Variants in CD46 observed in about 807,000 individuals in gnomAD.
The protein encoded by CD46 is membrane cofactor protein.
A neutral mutation model predicts 53.3 loss-of-function variants in CD46; 30 were observed. The ratio of observed to expected loss-of-function variants is 0.56; its 90% CI spans 0.42 to 0.76. The LOEUF (loss-of-function observed/expected upper bound fraction) is 0.76. Among genes scored for constraint, CD46 ranks in the 30% least tolerant of loss-of-function variants. CD46 has a pLI of 0.00. For missense variants in CD46, 409 were observed against 463.0 expected (o/e 0.88, Z 1.07); for synonymous variants, 142 against 152.0 (o/e 0.93, Z 0.48).
chr1:207,764,294 G>C (rs994550867), intron 5 of CD46, among the ~76,000 whole-genome samples: 2 of 152,186 alleles, frequency 1.3e-5, no homozygotes, highest in African/African-American at 4.8e-5. Flanking sequence ...AAATGCCTAC[G>C]TTGCTCTGTT....
rs1047780483 is a variant in CD46, at chr1:207,757,167, A to G, written c.251A>G (p.His84Arg). Residue 84 changes from histidine (H) to arginine (R), a missense_variant, in exon 2 of 13, where the codon CAT (histidine) becomes CGT (arginine). His to Arg is a conservative substitution (Grantham distance 29). Transcript: ENST00000367042. ...ACCCATACTATTTGTGATCGGAATCATACATGGCTACCTGTCTCAGATGAC... is the reference window on the plus strand; with the variant it reads ...ACCCATACTATTTGTGATCGGAATCGTACATGGCTACCTGTCTCAGATGAC... ...LATHTICDRN[H>R]TWLPVSDDAC... 4 of 1,613,952 alleles carry G rather than the reference A, an allele frequency of 2.5e-6. No individual in the cohort carries two copies. Among genetic ancestry groups the G allele is most frequent in the Non-Finnish European group, 3.4e-6 (4 of 1,179,968 alleles).
At position 207,795,304 on chromosome 1, in the gene CD46, A is replaced by G. The variant is rs1464998598; in HGVS notation, c.*1827A>G. The stretch of plus-strand genomic sequence containing the variant: ...ATATGTATAAATATGTATTTTGTCA[A>G]ATTTGTTACTTAAATATATAGAGAC... On this transcript the variant is annotated 3_prime_UTR_variant, in exon 13 of 13. Transcript: ENST00000367042. 1 of 152,160 alleles carries G rather than the reference A, an allele frequency of 6.6e-6. No individual in the cohort carries two copies. The highest frequency in any genetic ancestry group is 1.5e-5 in the Non-Finnish European group (1 of 68,038). The allele number at this position is 152,160 out of a possible 1,614,324, so 9.4% of individuals were successfully genotyped here.
intron 1 of CD46, among the ~76,000 whole-genome samples, chr1:207,754,468 G>A (rs1225142694): frequency 6.6e-6 from 1 of 152,074 alleles, no homozygotes; most frequent in Non-Finnish European, 1.5e-5. Context: ...GACCTTTTCT[G>A]TTCTTTGTCT....
chr1:207,760,027 T>C (rs1656005176), intron 4 of CD46: 1 of 266,742 alleles, frequency 3.7e-6, no homozygotes, highest in Non-Finnish European at 7.2e-6. Flanking sequence ...GCTTCAGGCA[T>C]GTGCCACTAT....
At chr1:207,754,430 TC>T (rs1655283183) in intron 1 of CD46, among the ~76,000 whole-genome samples, 1 of 152,182 alleles carries the variant, frequency 6.6e-6, no homozygotes, top group Admixed American at 6.5e-5. Context: ...TTCAAGTCCC[TC>T]TTCACTTGTA....
chr1:207,759,082 A>G (rs1655890845), intron 3 of CD46, among the ~76,000 whole-genome samples: 1 of 152,158 alleles, frequency 6.6e-6, no homozygotes, highest in African/African-American at 2.4e-5. Flanking sequence ...CTCTGTTCTA[A>G]ATAATATTAA....
At chr1:207,787,520 C>A (rs1037812317) in intron 11 of CD46, among the ~76,000 whole-genome samples, 2 of 152,096 alleles carry the variant, frequency 1.3e-5, no homozygotes, top group African/African-American at 4.8e-5. Flanking sequence ...GTCCAACTGA[C>A]AGTTGCCATT....
chr1:207,791,964 A>G (rs1027811050), intron 12 of CD46, among the ~76,000 whole-genome samples: 6 of 152,164 alleles, frequency 3.9e-5, no homozygotes, highest in Non-Finnish European at 7.4e-5. Context: ...TTCTACTACT[A>G]TGGGAAAAAA....
At chr1:207,773,327 G>T (rs539229659) in intron 8 of CD46, among the ~76,000 whole-genome samples, 1 of 151,818 alleles carries the variant, frequency 6.6e-6, no homozygotes, top group Non-Finnish European at 1.5e-5. Flanking sequence ...CATTTTTGTT[G>T]ATCTTTTCAA....
chr1:207,786,409 A>G (rs1029111791), intron 11 of CD46, among the ~76,000 whole-genome samples: 3 of 152,220 alleles, frequency 2.0e-5, no homozygotes, highest in Non-Finnish European at 2.9e-5. Context: ...ACAAGTACAT[A>G]TCTTCTAAAG....
chr1:207,773,481 G>A (rs1023251746), intron 8 of CD46, among the ~76,000 whole-genome samples: 1 of 152,124 alleles, frequency 6.6e-6, no homozygotes, highest in African/African-American at 2.4e-5. Flanking sequence ...TTTTAATGGT[G>A]ATGTTAGGGT....
chr1:207,769,767 C>T (rs2796272), intron 7 of CD46: 91,521 of 149,178 alleles, frequency 0.61, 28,095 homozygotes, highest in East Asian at 0.91. Context: ...AGCACATTCC[C>T]TTTTTTTTTT....
At chr1:207,757,236 G>A (rs1233401219) in intron 2 of CD46, 34 bp downstream of exon 2, 1 of 1,551,668 alleles carries the variant, frequency 6.4e-7, no homozygotes, top group East Asian at 2.2e-5. Context: ...TTTTCTGCTT[G>A]CTCTAGAGAT....
At chr1:207,754,030 G>A (rs911116618) in intron 1 of CD46, among the ~76,000 whole-genome samples, 1 of 152,162 alleles carries the variant, frequency 6.6e-6, no homozygotes, top group Non-Finnish European at 1.5e-5. Context: ...TCAATGATAA[G>A]TGCTCAGTGC....
At chr1:207,764,920 G>C (rs952211469) in intron 5 of CD46, among the ~76,000 whole-genome samples, 1 of 152,202 alleles carries the variant, frequency 6.6e-6, no homozygotes, top group Admixed American at 6.5e-5. Flanking sequence ...AAGTGCAAGA[G>C]GAGGGAACAC....
In CD46 at chr1:207,757,162, G is replaced by A; in HGVS notation, c.246G>A (p.Arg82=). The change falls in exon 2 of 13, where the codon CGG becomes CGA. Residue 82 remains arginine, a synonymous_variant. Coordinates refer to ENST00000367042, the MANE Select transcript of CD46 (RefSeq NM_172351.3). ...PPLATHTICD[R]NHTWLPVSDD... is the part of the protein sequence containing the mutation. The stretch of plus-strand genomic sequence containing the variant: ...TTGCCACCCATACTATTTGTGATCG[G>A]AATCATACATGGCTACCTGTCTCAG... The A allele has an allele frequency of 6.2e-7, 1 of 1,613,798 alleles. No homozygotes were observed. The highest frequency in any genetic ancestry group is 1.3e-5 in the African/African-American group (1 of 74,994).
intron 5 of CD46, chr1:207,762,943 C>T (rs1656398546): frequency 6.6e-6 from 1 of 152,602 alleles, no homozygotes. Context: ...CACCTCAGCA[C>T]TGGCGCCAGG....
At chr1:207,758,474 A>G (rs1245391708) in intron 3 of CD46, among the ~76,000 whole-genome samples, 2 of 152,206 alleles carry the variant, frequency 1.3e-5, no homozygotes, top group African/African-American at 4.8e-5. Flanking sequence ...ACGTGCTCTT[A>G]TGGTAATGAA....
intron 7 of CD46, 58 bp downstream of exon 7, chr1:207,767,881 T>A: frequency 7.4e-7 from 1 of 1,348,614 alleles, no homozygotes; most frequent in Non-Finnish European, 1.1e-6. Context: ...TGGTGATTTT[T>A]TATAAAATCC....
Sources: gnomAD v4.1 joint callset for allele counts (sites outside exome capture counted in the v4.1 genomes callset) on GRCh38, gnomAD v4.1.1 for gene constraint, MANE v1.5 for transcripts, NCBI Gene and HGNC (gene_info 2026-07-23, HGNC 2026-07-21) for gene names.